Variants in PRR16 observed in about 807,000 individuals in gnomAD.
The protein encoded by PRR16 is protein Largen.
In PRR16, 6 loss-of-function variants were observed where a neutral mutation model predicts 18.2. The ratio of observed to expected loss-of-function variants is 0.33; its 90% CI spans 0.18 to 0.65. The LOEUF is 0.65. Among genes scored for constraint, PRR16 ranks in the 30% least tolerant of loss-of-function variants. The pLI, the probability that PRR16 is intolerant of heterozygous loss-of-function variation, is 0.74. For synonymous variants in PRR16, 151 were observed against 147.8 expected, an observed-to-expected ratio of 1.02 and a Z score of -0.16; for missense variants, 412 against 376.6, an observed-to-expected ratio of 1.09 and a Z score of -0.78.
At chr5:120,765,299 G>C in the PRR16 span, among the ~76,000 whole-genome samples, 2 of 151,964 alleles carry the variant, frequency 1.3e-5, no homozygotes, top group African/African-American at 4.8e-5. Flanking sequence ...AAAAGAAGTT[G>C]AATGTATCTT....
the PRR16 span, among the ~76,000 whole-genome samples, chr5:120,733,499 C>T: frequency 1.1e-4 from 16 of 152,056 alleles, no homozygotes; most frequent in Non-Finnish European, 5.9e-5. Flanking sequence ...TTTTTGACCC[C>T]ATTTCCCAGT....
the PRR16 span, among the ~76,000 whole-genome samples, chr5:120,733,150 G>C: frequency 1.3e-4 from 19 of 151,980 alleles, no homozygotes; most frequent in Non-Finnish European, 5.9e-5. Context: ...ATATCCATTT[G>C]TTTTTTCTTT....
chr5:120,670,955 C>T (rs568344563), intron 1 of PRR16, among the ~76,000 whole-genome samples: 1 of 152,250 alleles, frequency 6.6e-6, no homozygotes, highest in Admixed American at 6.5e-5. Flanking sequence ...TAGTGACTGC[C>T]TATTACCTTT....
chr5:120,765,120 A>C, the PRR16 span, among the ~76,000 whole-genome samples: 4 of 152,114 alleles, frequency 2.6e-5, no homozygotes, highest in Non-Finnish European at 4.4e-5. Context: ...AACACCATAA[A>C]AGAGAACAAA....
the PRR16 span, among the ~76,000 whole-genome samples, chr5:120,702,350 G>A: frequency 6.6e-6 from 1 of 151,910 alleles, no homozygotes; most frequent in East Asian, 1.9e-4. Flanking sequence ...GCAGAGATAC[G>A]AGGTTGGGGT....
the PRR16 span, among the ~76,000 whole-genome samples, chr5:120,721,245 C>G: frequency 6.6e-6 from 1 of 151,940 alleles, no homozygotes; most frequent in Admixed American, 6.6e-5. Flanking sequence ...GATTCCTGCT[C>G]TTGTTGAAGC....
At chr5:120,464,931 C>CG (rs1749026457) in intron 1 of PRR16, among the ~76,000 whole-genome samples, 1 of 151,870 alleles carries the variant, frequency 6.6e-6, no homozygotes, top group Non-Finnish European at 1.5e-5. Context: ...TGTGTGACGA[C>CG]GGGGGAGAGG....
intron 1 of PRR16, among the ~76,000 whole-genome samples, chr5:120,570,165 A>G (rs1580735896): frequency 2.0e-5 from 3 of 152,008 alleles, no homozygotes; most frequent in Non-Finnish European, 2.9e-5. Flanking sequence ...GATAAATAAA[A>G]CCCTTCCTCC....
chr5:120,675,330 GT>G (rs955809161), intron 1 of PRR16, among the ~76,000 whole-genome samples: 6 of 152,056 alleles, frequency 3.9e-5, no homozygotes, highest in East Asian at 1.9e-4. Flanking sequence ...AAGGATTTCA[GT>G]TTTTTTTTAA....
chr5:120,614,315 G>A (rs1423426965), intron 1 of PRR16, among the ~76,000 whole-genome samples: 2 of 152,078 alleles, frequency 1.3e-5, no homozygotes, highest in Admixed American at 6.6e-5. Context: ...AAATGCTTAC[G>A]GTGGAGTTTT....
At position 120,683,782 on chromosome 5, in the gene PRR16, C is replaced by G. The variant is rs572170121; in HGVS notation, c.160-2172C>G. 2.6e-5 allele frequency among the ~76,000 whole-genome samples: 4 copies of G among 152,170 alleles called. No homozygotes were observed. The South Asian group carries it at 8.3e-4, about 32-fold the overall frequency. ...ACTTCCTTACACTGCCAAGAGCCAGCTGATAAACACCAGTATTCCATTGAG... is the reference window on the plus strand; with the variant it reads ...ACTTCCTTACACTGCCAAGAGCCAGGTGATAAACACCAGTATTCCATTGAG... On this transcript the variant is annotated intron_variant, in intron 1 of 1. Coordinates refer to ENST00000407149, the MANE Select transcript of PRR16 (RefSeq NM_001300783.2).
At chr5:120,532,350 C>T (rs1751578517) in intron 1 of PRR16, among the ~76,000 whole-genome samples, 1 of 152,124 alleles carries the variant, frequency 6.6e-6, no homozygotes, top group East Asian at 1.9e-4. Context: ...CTTGAATTTA[C>T]ATAGTAGTCT....
chr5:120,667,460 T>C (rs1305797359), intron 1 of PRR16, among the ~76,000 whole-genome samples: 4 of 152,202 alleles, frequency 2.6e-5, no homozygotes, highest in Admixed American at 6.5e-5. Flanking sequence ...TTCCTTCAGT[T>C]CTGCTCTGAT....
chr5:120,492,753 C>G (rs774917827), intron 1 of PRR16, among the ~76,000 whole-genome samples: 4 of 152,108 alleles, frequency 2.6e-5, no homozygotes, highest in Non-Finnish European at 4.4e-5. Flanking sequence ...TTATATCACT[C>G]TATATGTTTT....
chr5:120,486,784 A>G (rs2112818798), intron 1 of PRR16, among the ~76,000 whole-genome samples: 1 of 152,266 alleles, frequency 6.6e-6, no homozygotes, highest in South Asian at 2.1e-4. Context: ...TTTTAGGTCT[A>G]ACATGTAAGT....
chr5:120,760,886 C>G, the PRR16 span, among the ~76,000 whole-genome samples: 1 of 152,030 alleles, frequency 6.6e-6, no homozygotes, highest in Non-Finnish European at 1.5e-5. Flanking sequence ...TATGGAATCC[C>G]TTCCTTTCCT....
At chr5:120,537,403 C>G (rs947164924) in intron 1 of PRR16, among the ~76,000 whole-genome samples, 1 of 152,040 alleles carries the variant, frequency 6.6e-6, no homozygotes, top group African/African-American at 2.4e-5. Context: ...GCTTAATTTG[C>G]CACCATATAA....
chr5:120,713,707 CT>C, the PRR16 span, among the ~76,000 whole-genome samples: 1 of 152,082 alleles, frequency 6.6e-6, no homozygotes, highest in East Asian at 1.9e-4. Flanking sequence ...GTTTTTCCTC[CT>C]TTTCTGTTTG....
the PRR16 span, among the ~76,000 whole-genome samples, chr5:120,755,193 T>A: frequency 6.6e-6 from 1 of 151,642 alleles, no homozygotes; most frequent in South Asian, 2.1e-4. Context: ...AGTATAATAA[T>A]AATAAAATTT....
Sources: gnomAD v4.1 joint callset for allele counts (sites outside exome capture counted in the v4.1 genomes callset) on GRCh38, gnomAD v4.1.1 for gene constraint, MANE v1.5 for transcripts, NCBI Gene and HGNC (gene_info 2026-07-23, HGNC 2026-07-21) for gene names.